WASHC3: variants seen among roughly 807,000 people sequenced by gnomAD.
The protein encoded by WASHC3 is WASH complex subunit CCDC53.
A neutral mutation model predicts 26.1 loss-of-function variants in WASHC3; 24 were observed. The observed-to-expected ratio is 0.92, with a 90% CI of 0.66 to 1.29. The LOEUF (loss-of-function observed/expected upper bound fraction) is 1.29. WASHC3 is among the 50% of genes most tolerant of loss of function. The pLI is 0.00. For missense variants in WASHC3, 214 were observed against 229.6 expected (o/e 0.93, Z 0.44); for synonymous variants, 77 against 75.7 (o/e 1.02, Z -0.09).
intron 5 of WASHC3, among the ~76,000 whole-genome samples, chr12:102,029,822 C>T (rs1180288364): frequency 2.0e-5 from 3 of 152,020 alleles, no homozygotes; most frequent in East Asian, 3.8e-4. Context: ...CTATTGAATA[C>T]GTTGGTGGAA....
rs1339887060 is a variant in WASHC3, at chr12:102,026,029, C to T, written c.445G>A (p.Val149Met). 1 of 1,539,288 alleles carries T rather than the reference C, an allele frequency of 6.5e-7. No individual in the cohort carries two copies. Among genetic ancestry groups the T allele is most frequent in the Non-Finnish European group, 8.8e-7 (1 of 1,130,524 alleles). The change falls in exon 6 of 7, where the codon GTG becomes ATG. Residue 149 changes from valine (V) to methionine (M), a missense_variant. Val to Met is a conservative substitution (Grantham distance 21). Coordinates refer to ENST00000240079, the MANE Select transcript of WASHC3 (RefSeq NM_016053.4). ...YLKMVQVGVP[V>M]MAIRNKMISE... ...ATCATTTTGTTTCTTATTGCCATCACTGGTACACCCTAAGCAAAGGATATA... is the reference window on the plus strand; with the variant it reads ...ATCATTTTGTTTCTTATTGCCATCATTGGTACACCCTAAGCAAAGGATATA...
chr12:102,016,721 T>C (rs1202366387), intron 6 of WASHC3, among the ~76,000 whole-genome samples: 2 of 152,178 alleles, frequency 1.3e-5, no homozygotes, highest in Non-Finnish European at 2.9e-5. Context: ...AGGCCTTGTA[T>C]GTGTTTTAGT....
At chr12:102,038,526 TTTGTTGTTG>T (rs558742136) in intron 5 of WASHC3, among the ~76,000 whole-genome samples, 4 of 152,098 alleles carry the variant, frequency 2.6e-5, no homozygotes, top group Non-Finnish European at 2.9e-5. Context: ...TGAAATAGTT[TTTGTTGTTG>T]TTGTTGTTGT....
chr12:102,060,682 G>A (rs965788534), intron 2 of WASHC3, among the ~76,000 whole-genome samples: 3 of 152,112 alleles, frequency 2.0e-5, no homozygotes, highest in Admixed American at 1.3e-4. Flanking sequence ...GAAGCCGGGC[G>A]CGGTGGCTCA....
At chr12:102,060,077 T>C (rs1222406696) in intron 2 of WASHC3, among the ~76,000 whole-genome samples, 4 of 152,242 alleles carry the variant, frequency 2.6e-5, no homozygotes, top group Non-Finnish European at 4.4e-5. Context: ...TCCATGCAAT[T>C]TTTATTAATA....
intron 2 of WASHC3, among the ~76,000 whole-genome samples, chr12:102,046,938 G>A (rs576342975): frequency 6.6e-6 from 1 of 152,154 alleles, no homozygotes; most frequent in Non-Finnish European, 1.5e-5. Flanking sequence ...AAATAAAGGG[G>A]AATGGAATTG....
intron 5 of WASHC3, among the ~76,000 whole-genome samples, chr12:102,037,341 A>G (rs1459347175): frequency 6.6e-6 from 1 of 152,232 alleles, no homozygotes; most frequent in Non-Finnish European, 1.5e-5. Context: ...GTAAATACAT[A>G]AAATATGTAG....
intron 5 of WASHC3, among the ~76,000 whole-genome samples, chr12:102,026,658 G>A (rs924752291): frequency 2.0e-5 from 3 of 152,122 alleles, no homozygotes; most frequent in African/African-American, 7.2e-5. Context: ...TTAAGAATAT[G>A]AAAACACTAA....
In WASHC3 at chr12:102,012,871, C is replaced by A; in HGVS notation, c.*237G>T. ...AAATATTCTATCTTAGTATTTGTAG[C>A]ACTAATTGTACTTTATTTAGGTTAT... On this transcript the variant is annotated 3_prime_UTR_variant, in exon 7 of 7. Transcript: ENST00000240079. The A allele has an allele frequency of 2.9e-6, 1 of 344,086 alleles. No individual in the cohort carries two copies. The highest frequency in any genetic ancestry group is 5.9e-5 in the East Asian group (1 of 16,940). 21.3% of individuals were successfully genotyped at this position (344,086 alleles called of 1,614,324 possible).
At chr12:102,043,395 G>A (rs1878020705) in intron 4 of WASHC3, among the ~76,000 whole-genome samples, 1 of 151,778 alleles carries the variant, frequency 6.6e-6, no homozygotes, top group South Asian at 2.1e-4. Flanking sequence ...TCAGCCTCCC[G>A]AGTAGTGAGA....
At chr12:102,039,282 G>A (rs558638415) in intron 5 of WASHC3, among the ~76,000 whole-genome samples, 5 of 151,794 alleles carry the variant, frequency 3.3e-5, no homozygotes, top group Non-Finnish European at 7.4e-5. Context: ...GGCTTTAACT[G>A]TTTGATTAAC....
At chr12:102,037,781 GTTTT>G (rs74957168) in intron 5 of WASHC3, among the ~76,000 whole-genome samples, 1 of 148,484 alleles carries the variant, frequency 6.7e-6, no homozygotes, top group Non-Finnish European at 1.5e-5. Context: ...ATTTTATTCA[GTTTT>G]TTTTTTGTTT....
intron 6 of WASHC3, chr12:102,019,417 A>G (rs943207470): frequency 1.1e-5 from 4 of 364,680 alleles, no homozygotes; most frequent in African/African-American, 4.4e-5. Context: ...CATATTTGAA[A>G]AAGTTGCTAC....
At chr12:102,051,674 A>G (rs989166932) in intron 2 of WASHC3, among the ~76,000 whole-genome samples, 3 of 152,326 alleles carry the variant, frequency 2.0e-5, no homozygotes, top group East Asian at 1.9e-4. Flanking sequence ...GCTACTTTCT[A>G]TCTGTGTATG....
chr12:102,014,066 C>T (rs1290957391), intron 6 of WASHC3, among the ~76,000 whole-genome samples: 1 of 142,684 alleles, frequency 7.0e-6, no homozygotes, highest in Admixed American at 7.0e-5. Context: ...AACAATATAA[C>T]TGCTACATCT....
At position 102,031,115 on chromosome 12, in the gene WASHC3, C is replaced by T. The variant is rs564019066; in HGVS notation, c.436-5077G>A. Among the ~76,000 whole-genome samples the T allele has an allele frequency of 2.6e-5, 4 of 152,286 alleles. No individual in the cohort carries two copies. The South Asian group carries it at 8.3e-4, about 32-fold the overall frequency. On this transcript the variant is annotated intron_variant, in intron 5 of 6. Coordinates refer to ENST00000240079, the MANE Select transcript of WASHC3 (RefSeq NM_016053.4). ...GAAAAATCCTAATCTGTAAAACTGG[C>T]ATAATCATTCTTCACACATGATTTC...
chr12:102,020,836 C>A (rs1876925421), intron 6 of WASHC3, among the ~76,000 whole-genome samples: 1 of 152,144 alleles, frequency 6.6e-6, no homozygotes, highest in East Asian at 1.9e-4. Flanking sequence ...AATCCCAGCA[C>A]TTTGGGAGGC....
intron 2 of WASHC3, among the ~76,000 whole-genome samples, chr12:102,046,469 A>G (rs936615464): frequency 2.0e-5 from 3 of 152,008 alleles, no homozygotes; most frequent in Admixed American, 6.6e-5. Flanking sequence ...TAATTTTTGC[A>G]TTTTTAGTAG....
intron 2 of WASHC3, among the ~76,000 whole-genome samples, chr12:102,051,186 T>A (rs1447979308): frequency 1.3e-5 from 2 of 152,262 alleles, no homozygotes; most frequent in Non-Finnish European, 2.9e-5. Flanking sequence ...TTGTTTAAGG[T>A]TGGGTTTGGT....
Sources: allele counts gnomAD v4.1 joint callset (sites outside exome capture counted in the v4.1 genomes callset), GRCh38; gene constraint gnomAD v4.1.1; transcripts MANE v1.5; gene names NCBI Gene and HGNC (gene_info 2026-07-23, HGNC 2026-07-21).